ALK: variants seen among roughly 807,000 people sequenced by gnomAD.
The protein encoded by ALK is ALK tyrosine kinase receptor.
ALK carries 74 observed loss-of-function variants against 163.1 expected under a neutral mutation model. The ratio of observed to expected loss-of-function variants is 0.45; its 90% confidence interval spans 0.38 to 0.55. The LOEUF (loss-of-function observed/expected upper bound fraction) is 0.55, where lower values mean the gene tolerates loss of function less well. Ranked by LOEUF, ALK falls within the 20% of genes least tolerant of loss-of-function variation. The pLI is 0.00. For missense variants in ALK, 2,063 were observed against 2,105.3 expected (o/e 0.98, Z 0.39); for synonymous variants, 960 against 843.2 (o/e 1.14, Z -2.40).
At chr2:29,706,651 G>A (rs1053221939) in intron 2 of ALK, among the ~76,000 whole-genome samples, 17 of 152,184 alleles carry the variant, frequency 1.1e-4, no homozygotes, top group African/African-American at 4.1e-4. Flanking sequence ...GTGCGCACGT[G>A]CACATGTGCA....
chr2:29,850,939 C>T (rs1366457127), intron 1 of ALK, among the ~76,000 whole-genome samples: 2 of 152,194 alleles, frequency 1.3e-5, no homozygotes, highest in Non-Finnish European at 2.9e-5. Flanking sequence ...TGCCTGGCAC[C>T]CTTCACCGGT....
At chr2:29,822,274 T>A (rs1282729488) in intron 1 of ALK, among the ~76,000 whole-genome samples, 1 of 152,170 alleles carries the variant, frequency 6.6e-6, no homozygotes, top group African/African-American at 2.4e-5. Flanking sequence ...AACCTGGTTG[T>A]TCTTAGACCA....
chr2:29,565,001 G>C (rs1275492722), intron 3 of ALK, among the ~76,000 whole-genome samples: 1 of 152,150 alleles, frequency 6.6e-6, no homozygotes, highest in Non-Finnish European at 1.5e-5. Flanking sequence ...GTAGCTTTCA[G>C]AAAAAAGCAG....
intron 4 of ALK, among the ~76,000 whole-genome samples, chr2:29,517,364 T>C (rs1249433856): frequency 1.3e-5 from 2 of 152,136 alleles, no homozygotes; most frequent in Non-Finnish European, 2.9e-5. Context: ...AGTGGGTCAT[T>C]ATATCTCTGA....
intron 1 of ALK, among the ~76,000 whole-genome samples, chr2:29,767,778 T>G (rs1188035198): frequency 6.6e-6 from 1 of 152,200 alleles, no homozygotes; most frequent in Non-Finnish European, 1.5e-5. Flanking sequence ...CTGGCACACC[T>G]GGACTGCTGC....
chr2:29,290,131 T>C (rs1665981745), intron 9 of ALK, among the ~76,000 whole-genome samples: 1 of 152,160 alleles, frequency 6.6e-6, no homozygotes, highest in African/African-American at 2.4e-5. Flanking sequence ...GGATGCTGTC[T>C]CGTGAAGTGA....
intron 23 of ALK, among the ~76,000 whole-genome samples, chr2:29,214,423 C>G (rs1669547181): frequency 6.6e-6 from 1 of 152,140 alleles, no homozygotes; most frequent in African/African-American, 2.4e-5. Flanking sequence ...TGTGCACATT[C>G]TCTCACCCCA....
chr2:29,268,132 C>G (rs1246247171), intron 11 of ALK, among the ~76,000 whole-genome samples: 1 of 152,192 alleles, frequency 6.6e-6, no homozygotes, highest in African/African-American at 2.4e-5. Context: ...AGCATTTTGT[C>G]AGCAGCTTTG....
At chr2:29,277,800 C>T (rs748736262) in intron 9 of ALK, among the ~76,000 whole-genome samples, 1 of 152,200 alleles carries the variant, frequency 6.6e-6, no homozygotes, top group African/African-American at 2.4e-5. Flanking sequence ...GACCCTCAGC[C>T]CCTGCCACTC....
chr2:29,233,248 T>A (rs1012931989), intron 14 of ALK, among the ~76,000 whole-genome samples: 2 of 152,178 alleles, frequency 1.3e-5, no homozygotes, highest in African/African-American at 2.4e-5. Flanking sequence ...GTTCAAATGA[T>A]CCTCCTGCCT....
intron 3 of ALK, among the ~76,000 whole-genome samples, chr2:29,656,625 T>G (rs556594965): frequency 3.2e-4 from 49 of 152,318 alleles, no homozygotes; most frequent in Admixed American, 1.2e-3. Context: ...TGTCTCCATT[T>G]TACACACAAG....
intron 3 of ALK, among the ~76,000 whole-genome samples, chr2:29,548,227 A>C (rs1673609330): frequency 6.6e-6 from 1 of 152,142 alleles, no homozygotes; most frequent in African/African-American, 2.4e-5. Context: ...TAATCCCAGC[A>C]CTTTGGGAGG....
At chr2:29,477,996 T>A (rs1486255500) in intron 4 of ALK, among the ~76,000 whole-genome samples, 1 of 152,246 alleles carries the variant, frequency 6.6e-6, no homozygotes, top group Non-Finnish European at 1.5e-5. Flanking sequence ...TTCCTGAGTC[T>A]GAGTTCAGTA....
At position 29,348,814 on chromosome 2, in the gene ALK, T is replaced by C. The variant is rs138790696; in HGVS notation, c.1283-20333A>G. Among the ~76,000 whole-genome samples the C allele has an allele frequency of 3.5e-3, 528 of 152,364 alleles. 5 individuals are homozygous for C. The highest frequency in any genetic ancestry group is 0.011 in the African/African-American group (469 of 41,588). The stretch of plus-strand genomic sequence containing the variant: ...AGCTCCCATCGTAAGGACGGACTCC[T>C]AATTCAATGCTCTATTATGTTATCA... On this transcript the variant is annotated intron_variant, in intron 5 of 28. Transcript: ENST00000389048.
intron 4 of ALK, among the ~76,000 whole-genome samples, chr2:29,391,310 G>GA (rs1553310355): frequency 1.4e-5 from 2 of 142,696 alleles, no homozygotes; most frequent in African/African-American, 2.6e-5. Context: ...TTTTTTGGGG[G>GA]GGGGGTGGTG....
chr2:29,812,440 G>A (rs1468103350), intron 1 of ALK, among the ~76,000 whole-genome samples: 1 of 152,100 alleles, frequency 6.6e-6, no homozygotes, highest in Non-Finnish European at 1.5e-5. Context: ...GGCACTGGGT[G>A]AGCTGACTGC....
chr2:29,284,269 T>G (rs750136313), intron 9 of ALK, among the ~76,000 whole-genome samples: 2 of 152,148 alleles, frequency 1.3e-5, no homozygotes, highest in Non-Finnish European at 2.9e-5. Flanking sequence ...TTGAGTCATC[T>G]GCATAGAGGT....
intron 1 of ALK, among the ~76,000 whole-genome samples, chr2:29,752,936 G>A (rs1680414937): frequency 6.6e-6 from 1 of 152,148 alleles, no homozygotes; most frequent in African/African-American, 2.4e-5. Context: ...CACTCTAGCA[G>A]CAGCAAGTAC....
chr2:29,470,836 T>C (rs548249002), intron 4 of ALK, among the ~76,000 whole-genome samples: 34 of 152,170 alleles, frequency 2.2e-4, no homozygotes, highest in African/African-American at 7.7e-4. Flanking sequence ...AATATTTAAA[T>C]GAATTTTGGC....
Sources: gnomAD v4.1 joint callset for allele counts (sites outside exome capture counted in the v4.1 genomes callset) on GRCh38, gnomAD v4.1.1 for gene constraint, MANE v1.5 for transcripts, NCBI Gene and HGNC (gene_info 2026-07-23, HGNC 2026-07-21) for gene names.